Variants in BICC1 observed in about 807,000 individuals in gnomAD.
BICC1 encodes the protein protein bicaudal C homolog 1.
BICC1 carries 43 observed loss-of-function variants against 111.0 expected under a neutral mutation model. The observed-to-expected ratio is 0.39, with a 90% CI of 0.30 to 0.50. The LOEUF (loss-of-function observed/expected upper bound fraction) is 0.50, where lower values mean the gene tolerates loss of function less well. BICC1 is among the 20% of genes least tolerant of loss of function. The pLI is 0.88. For missense variants in BICC1, 1,091 were observed against 1,203.2 expected (o/e 0.91, Z 1.38); for synonymous variants, 467 against 434.4 (o/e 1.07, Z -0.93).
intron 2 of BICC1, among the ~76,000 whole-genome samples, chr10:58,670,676 G>A (rs1384151186): frequency 1.3e-5 from 2 of 152,092 alleles, no homozygotes; most frequent in East Asian, 3.8e-4. Flanking sequence ...ATTTAGATGA[G>A]CTCAATTTTG....
chr10:58,796,639 C>A (rs1823367387), intron 10 of BICC1, 113 bp downstream of exon 10: 1 of 1,029,066 alleles, frequency 9.7e-7, no homozygotes, highest in Admixed American at 3.2e-5. Flanking sequence ...TTCCTTTGGG[C>A]TCTAAGATCA....
chr10:58,690,774 T>C (rs1485050055), intron 2 of BICC1, among the ~76,000 whole-genome samples: 1 of 152,054 alleles, frequency 6.6e-6, no homozygotes, highest in Non-Finnish European at 1.5e-5. Context: ...CTAAGCTAAG[T>C]AGGGTCATTT....
chr10:58,778,019 A>G (rs1842793519), intron 3 of BICC1, among the ~76,000 whole-genome samples: 1 of 151,826 alleles, frequency 6.6e-6, no homozygotes, highest in South Asian at 2.1e-4. Flanking sequence ...AGGAGTTTGA[A>G]ACCAGCCTGG....
chr10:58,640,381 A>G (rs547499121), intron 2 of BICC1, among the ~76,000 whole-genome samples: 1 of 152,378 alleles, frequency 6.6e-6, no homozygotes, highest in South Asian at 2.1e-4. Context: ...ATGAAATGCA[A>G]TAACTAATCC....
intron 1 of BICC1, among the ~76,000 whole-genome samples, chr10:58,609,266 T>G (rs1254520913): frequency 6.6e-6 from 1 of 152,228 alleles, no homozygotes; most frequent in Non-Finnish European, 1.5e-5. Flanking sequence ...AGTCAACCTT[T>G]TCCTTCCTCC....
intron 3 of BICC1, among the ~76,000 whole-genome samples, chr10:58,743,693 C>G (rs947320727): frequency 6.6e-6 from 1 of 151,942 alleles, no homozygotes; most frequent in African/African-American, 2.4e-5. Context: ...AGCAGAATCC[C>G]CCAGGTTGGT....
chr10:58,535,691 G>A (rs1176924341), intron 1 of BICC1, among the ~76,000 whole-genome samples: 1 of 151,522 alleles, frequency 6.6e-6, no homozygotes, highest in African/African-American at 2.4e-5. Flanking sequence ...AAAGTATCTA[G>A]GTAACAATCA....
intron 1 of BICC1, among the ~76,000 whole-genome samples, chr10:58,565,075 A>G (rs992021516): frequency 5.0e-5 from 1 of 19,942 alleles, no homozygotes; most frequent in Non-Finnish European, 9.9e-5. Flanking sequence ...TCACTGATTC[A>G]TCTCCTGGGT....
chr10:58,626,099 C>T (rs1426643876), intron 2 of BICC1, among the ~76,000 whole-genome samples: 1 of 152,074 alleles, frequency 6.6e-6, no homozygotes, highest in Non-Finnish European at 1.5e-5. Context: ...ACGTACATGG[C>T]TCACAATTCA....
chr10:58,542,194 T>G (rs1843008321), intron 1 of BICC1, among the ~76,000 whole-genome samples: 1 of 142,588 alleles, frequency 7.0e-6, no homozygotes, highest in Admixed American at 7.1e-5. Flanking sequence ...ACATACAGAC[T>G]AGTGGAACAG....
intron 8 of BICC1, among the ~76,000 whole-genome samples, chr10:58,791,707 T>C (rs368218250): frequency 6.6e-6 from 1 of 152,154 alleles, no homozygotes; most frequent in Admixed American, 6.5e-5. Context: ...GCCACTGCAC[T>C]CCAGCCTGGG....
chr10:58,645,848 C>T (rs1428008689), intron 2 of BICC1, among the ~76,000 whole-genome samples: 1 of 152,102 alleles, frequency 6.6e-6, no homozygotes, highest in Non-Finnish European at 1.5e-5. Flanking sequence ...AAGCAGTTGC[C>T]TTTTTATTTG....
intron 2 of BICC1, among the ~76,000 whole-genome samples, chr10:58,639,567 GTTTTTTTT>G (rs141399509): frequency 1.1e-5 from 1 of 89,948 alleles, no homozygotes; most frequent in South Asian, 4.1e-4. Context: ...CCAGCTAATT[GTTTTTTTT>G]TTTTTTTTTT....
intron 1 of BICC1, among the ~76,000 whole-genome samples, chr10:58,542,172 A>C (rs561687505): frequency 3.3e-5 from 5 of 151,178 alleles, no homozygotes; most frequent in Admixed American, 2.6e-4. Flanking sequence ...AAAAACAAAA[A>C]AAAAAACCCA....
rs529858025 is a variant in BICC1, at chr10:58,722,911, C to A, written c.307+20768C>A. On this transcript the variant is annotated intron_variant, in intron 3 of 20. Coordinates refer to ENST00000373886, the MANE Select transcript of BICC1 (RefSeq NM_001080512.3). ...GAGGGTGGTGTTTAACCTGGAGCGA[C>A]CCCTTGCAGGGGTAGATTTAAGGTA... Among the ~76,000 whole-genome samples, 7 of 152,300 alleles carry A rather than the reference C, an allele frequency of 4.6e-5. No homozygotes were observed. In the East Asian group the frequency reaches 9.7e-4, roughly 21 times the overall value.
intron 2 of BICC1, among the ~76,000 whole-genome samples, chr10:58,641,354 C>T (rs967898137): frequency 1.3e-5 from 2 of 152,110 alleles, no homozygotes; most frequent in African/African-American, 4.8e-5. Flanking sequence ...CCGTCGTGCC[C>T]TTGCTTCATG....
intron 2 of BICC1, among the ~76,000 whole-genome samples, chr10:58,673,171 C>G (rs915927908): frequency 6.6e-6 from 1 of 152,112 alleles, no homozygotes; most frequent in Non-Finnish European, 1.5e-5. Flanking sequence ...TTGAATATTA[C>G]TAATAACTTT....
intron 18 of BICC1, among the ~76,000 whole-genome samples, chr10:58,814,667 C>T (rs900510443): frequency 6.7e-6 from 1 of 149,014 alleles, no homozygotes; most frequent in Non-Finnish European, 1.5e-5. Context: ...GGTATGCATG[C>T]GCCAATAGTC....
At chr10:58,715,467 C>T (rs570627496) in intron 3 of BICC1, 64 of 760,220 alleles carry the variant, frequency 8.4e-5, no homozygotes, top group South Asian at 5.0e-4. Flanking sequence ...AGTGGGGAGG[C>T]GGCAAGAGGA....
Sources: allele counts gnomAD v4.1 joint callset (sites outside exome capture counted in the v4.1 genomes callset), GRCh38; gene constraint gnomAD v4.1.1; transcripts MANE v1.5; gene names NCBI Gene and HGNC (gene_info 2026-07-23, HGNC 2026-07-21).